PLXNA2: variants seen among roughly 807,000 people sequenced by gnomAD.
PLXNA2 encodes the protein plexin-A2.
Under a neutral mutation model 193.5 loss-of-function variants are expected in PLXNA2, and 91 were observed. The ratio of observed to expected loss-of-function variants is 0.47; its 90% CI spans 0.40 to 0.56. The LOEUF (loss-of-function observed/expected upper bound fraction) is 0.56. Ranked by LOEUF, PLXNA2 falls within the 20% of genes least tolerant of loss-of-function variation. PLXNA2 has a pLI of 0.00. For missense variants in PLXNA2, 1,995 were observed against 2,503.2 expected, an observed-to-expected ratio of 0.80 and a Z score of 4.33; for synonymous variants, 997 against 1,027.3, an observed-to-expected ratio of 0.97 and a Z score of 0.56.
chr1:208,151,064 A>T (rs1668749211), intron 3 of PLXNA2, among the ~76,000 whole-genome samples: 1 of 152,236 alleles, frequency 6.6e-6, no homozygotes, highest in African/African-American at 2.4e-5. Flanking sequence ...GGGCGGAGGA[A>T]GCATTTGATT....
chr1:208,208,081 G>C (rs1670795815), intron 3 of PLXNA2, among the ~76,000 whole-genome samples: 2 of 152,266 alleles, frequency 1.3e-5, no homozygotes. Context: ...GCAGCCCCTA[G>C]TGTGTGCTGT....
At chr1:208,164,195 A>ACTTT (rs1558224112) in intron 3 of PLXNA2, among the ~76,000 whole-genome samples, 3 of 152,122 alleles carry the variant, frequency 2.0e-5, no homozygotes, top group Non-Finnish European at 4.4e-5. Context: ...GCTACAGGGG[A>ACTTT]AGACTTCTGT....
At chr1:208,176,547 T>A (rs1161377575) in intron 3 of PLXNA2, among the ~76,000 whole-genome samples, 20 of 152,056 alleles carry the variant, frequency 1.3e-4, no homozygotes, top group Non-Finnish European at 1.3e-4. Flanking sequence ...AGTCCCACAG[T>A]GAGAAACAGA....
At chr1:208,230,703 C>T (rs1002467939) in intron 1 of PLXNA2, among the ~76,000 whole-genome samples, 1 of 152,208 alleles carries the variant, frequency 6.6e-6, no homozygotes, top group Non-Finnish European at 1.5e-5. Context: ...AATAAAAAAG[C>T]TTTAACTCCT....
rs1665018664 is a variant in PLXNA2, at chr1:208,045,181, T to A, written c.3525A>T (p.Gly1175=). Residue 1175 remains glycine, a synonymous_variant, in exon 19 of 32, where the codon GGA becomes GGT. Transcript: ENST00000367033. The stretch of plus-strand genomic sequence containing the variant: ...GCACAGTGTAGTTGAGTTTGGCCCC[T>A]CCAGAGGCAGGAGGGCAGAGGTTTT... ...KGKNLCPPAS[G]GAKLNYTVLI... 1 of 1,613,978 alleles carries A rather than the reference T, an allele frequency of 6.2e-7. No homozygotes were observed. The highest frequency in any genetic ancestry group is 1.7e-5 in the Admixed American group (1 of 60,008).
rs995601386 is a variant in PLXNA2 at position 208,082,540 on chromosome 1, A to T, written c.2299-32T>A. ...GGAGACGGGCAGAGGCATGGGGCTC[A>T]TGTGGCTCTCTATCACAGGGGTCAG... On this transcript the variant is annotated intron_variant, in intron 10 of 31. Transcript: ENST00000367033. This position sits in a 1 kb window ranked among gnomAD's most constrained non-coding sequence, Gnocchi z 4.2. 13 of 1,502,634 alleles carry T rather than the reference A, an allele frequency of 8.7e-6. No individual in the cohort carries two copies. Among genetic ancestry groups the T allele is most frequent in the East Asian group, 2.3e-5 (1 of 44,248 alleles). The allele number at this position is 1,502,634 out of a possible 1,614,324, so 93.1% of individuals were successfully genotyped here.
intron 1 of PLXNA2, chr1:208,230,409 C>CT (rs769764438): frequency 6.6e-6 from 1 of 152,210 alleles, no homozygotes; most frequent in Non-Finnish European, 1.5e-5. Context: ...GGCCACCCTC[C>CT]TCTCATGGCC....
chr1:208,040,023 C>A lies in PLXNA2; in HGVS notation c.4322G>T (p.Trp1441Leu), dbSNP rs1405289481. Residue 1441 changes from tryptophan (W) to leucine (L), a missense_variant, in exon 23 of 32, where the codon TGG becomes TTG. By Grantham distance (61) the Trp-to-Leu change is moderately conservative (BLOSUM62 -2). Coordinates refer to ENST00000367033, the MANE Select transcript of PLXNA2 (RefSeq NM_025179.4). ...ESVAEKMLTN[W>L]FAFLLHKFLK... Reference sequence around the variant, plus strand: ...GAACTTGTGCAGGAGGAAGGCGAACCAATTGGTCAGCATCTTTTCAGCCAC... The same window carrying A: ...GAACTTGTGCAGGAGGAAGGCGAACAAATTGGTCAGCATCTTTTCAGCCAC... The A allele has an allele frequency of 1.2e-6, 2 of 1,614,094 alleles. No homozygotes were observed. The highest frequency in any genetic ancestry group is 1.7e-5 in the Admixed American group (1 of 60,032).
At chr1:208,074,405 A>AG (rs1666076365) in intron 12 of PLXNA2, among the ~76,000 whole-genome samples, 2 of 152,186 alleles carry the variant, frequency 1.3e-5, no homozygotes, top group African/African-American at 4.8e-5. Flanking sequence ...GCAGCTCAGG[A>AG]GGCCTCCCAT....
At position 208,025,284 on chromosome 1, in the gene PLXNA2, C is replaced by A. The variant is rs72731345; in HGVS notation, c.*1959G>T. The A allele has an allele frequency of 0.032, 4,957 of 152,592 alleles. 169 individuals carry two copies. The highest frequency in any genetic ancestry group is 0.1 in the East Asian group (519 of 5,162). 9.5% of individuals were successfully genotyped at this position (152,592 alleles called of 1,614,324 possible). A position where few individuals can be genotyped will look rare whatever the true frequency, so the allele number is the denominator to read the frequency against. On this transcript the variant is annotated 3_prime_UTR_variant, in exon 32 of 32. Coordinates refer to ENST00000367033, the MANE Select transcript of PLXNA2 (RefSeq NM_025179.4). ...AGGATGGAAGCCAGACCTCTGCGCT[C>A]CCCTCCCCCAGCCCTCTCCTGGGAA...
chr1:208,237,100 C>T (rs1272042032), intron 1 of PLXNA2, among the ~76,000 whole-genome samples: 1 of 152,174 alleles, frequency 6.6e-6, no homozygotes, highest in East Asian at 1.9e-4. Flanking sequence ...AAGCTTAAAG[C>T]AGAATGGCTA....
intron 2 of PLXNA2, among the ~76,000 whole-genome samples, 168 bp downstream of exon 2, chr1:208,216,567 T>G (rs1397135260): frequency 6.6e-6 from 1 of 152,200 alleles, no homozygotes; most frequent in Non-Finnish European, 1.5e-5. Flanking sequence ...AAGTATCTGG[T>G]GTACGTAAGA....
At chr1:208,148,547 T>A (rs1004969721) in intron 3 of PLXNA2, among the ~76,000 whole-genome samples, 5 of 152,200 alleles carry the variant, frequency 3.3e-5, no homozygotes, top group Admixed American at 3.3e-4. Context: ...ATATTGTGAA[T>A]GTAAAATGAG....
At chr1:208,172,026 T>TTA (rs1553291809) in intron 3 of PLXNA2, among the ~76,000 whole-genome samples, 3 of 135,132 alleles carry the variant, frequency 2.2e-5, no homozygotes, top group Non-Finnish European at 3.2e-5. Context: ...GGTTTTGCCA[T>TTA]AAAAAAAAAA....
chr1:208,116,735 C>T (rs980407800), intron 4 of PLXNA2, among the ~76,000 whole-genome samples: 18 of 152,130 alleles, frequency 1.2e-4, no homozygotes, highest in African/African-American at 3.9e-4. Flanking sequence ...AAGGCATCCA[C>T]GAAGGCACCA....
At chr1:208,201,666 A>G (rs1670557278) in intron 3 of PLXNA2, among the ~76,000 whole-genome samples, 4 of 152,188 alleles carry the variant, frequency 2.6e-5, no homozygotes, top group Admixed American at 1.3e-4. Flanking sequence ...CATGCCAAGC[A>G]CCATATTAAG....
intron 4 of PLXNA2, among the ~76,000 whole-genome samples, chr1:208,114,958 T>A (rs985816637): frequency 6.6e-5 from 10 of 152,258 alleles, no homozygotes; most frequent in African/African-American, 2.4e-4. Flanking sequence ...ATACTTACAT[T>A]GGAACATTTT....
chr1:208,044,853 G>C lies in PLXNA2; in HGVS notation c.3640-111C>G. On this transcript the variant is annotated intron_variant, in intron 19 of 31. Coordinates refer to ENST00000367033, the MANE Select transcript of PLXNA2 (RefSeq NM_025179.4). The surrounding 1 kb of genome is among the most constrained non-coding windows in gnomAD (Gnocchi z 4.9). ...GGACATGACAGACCACAACCACACA[G>C]TGCAGCTCTAGATAAAAAGCAATTT... 1.0e-6 allele frequency: 1 copy of C among 1,002,846 alleles called. No homozygotes were observed. Among genetic ancestry groups the C allele is most frequent in the South Asian group, 1.5e-5 (1 of 64,898 alleles). The allele number at this position is 1,002,846 out of a possible 1,614,324, so 62.1% of individuals were successfully genotyped here.
chr1:208,107,429 G>A (rs992334468), intron 4 of PLXNA2, among the ~76,000 whole-genome samples: 1 of 152,106 alleles, frequency 6.6e-6, no homozygotes, highest in Non-Finnish European at 1.5e-5. Context: ...AGTGCTCTGG[G>A]GACTACTTTA....
Sources: gnomAD v4.1 joint callset for allele counts (sites outside exome capture counted in the v4.1 genomes callset) on GRCh38, gnomAD v4.1.1 for gene constraint, Gnocchi (gnomAD v3.1) non-coding constraint, MANE v1.5 for transcripts, NCBI Gene and HGNC (gene_info 2026-07-23, HGNC 2026-07-21) for gene names.